The following TUB variants were observed in gnomAD, a reference collection of about 807,000 sequenced individuals.
The protein encoded by TUB is TUB bipartite transcription factor.
TUB carries 33 observed loss-of-function variants against 59.7 expected under a neutral mutation model. That is an observed-to-expected ratio of 0.55 (90% CI 0.42 to 0.74). TUB has a LOEUF of 0.74. Ranked by LOEUF, TUB falls within the 30% of genes least tolerant of loss-of-function variation. The pLI, the probability that TUB is intolerant of heterozygous loss-of-function variation, is 0.00. For missense variants in TUB, 659 were observed against 672.0 expected, an observed-to-expected ratio of 0.98 and a Z score of 0.21; for synonymous variants, 293 against 256.4, an observed-to-expected ratio of 1.14 and a Z score of -1.36.
intron 2 of TUB, among the ~76,000 whole-genome samples, chr11:8,062,444 TCA>T (rs1197728623): frequency 5.3e-5 from 8 of 151,832 alleles, no homozygotes; most frequent in Non-Finnish European, 1.2e-4. Flanking sequence ...CCAGGCGCTG[TCA>T]GGGGCCTGTG....
At chr11:8,097,864 G>C in intron 8 of TUB, 38 bp downstream of exon 8, 5 of 1,524,170 alleles carry the variant, frequency 3.3e-6, no homozygotes, top group Non-Finnish European at 4.5e-6. Context: ...GGGAGTGGGA[G>C]GGAGGGGCAG....
In TUB at chr11:8,033,318, CAG is replaced by C; in HGVS notation, c.56+13963_56+13964del. 2.0e-5 allele frequency among the ~76,000 whole-genome samples: 3 copies of C among 152,352 alleles called. No individual in the cohort carries two copies. In the East Asian group the frequency reaches 5.8e-4, roughly 29 times the overall value. On this transcript the variant is annotated intron_variant, in intron 1 of 11. Coordinates refer to the TUB transcript ENST00000534099. ...TCCGGGAAACTCCGGCGCCCGAAGACAGAGCTGCATTCCTGCTGTGCCGCCAC... is the reference window on the plus strand; with the variant it reads ...TCCGGGAAACTCCGGCGCCCGAAGACAGCTGCATTCCTGCTGTGCCGCCAC...
rs183904713 is a variant in TUB, at chr11:8,058,161, G to A, written c.203+18469G>A. ...TAGGAGGTCAAGGCCACAGTGAGCC[G>A]AGATCACACCACTGCACTCCAGCCT... On this transcript the variant is annotated intron_variant, in intron 2 of 12. Coordinates refer to the TUB transcript ENST00000305253. Among the ~76,000 whole-genome samples the A allele has an allele frequency of 5.3e-3, 773 of 147,052 alleles. 5 individuals are homozygous for A. Among genetic ancestry groups the A allele is most frequent in the African/African-American group, 0.018 (722 of 39,800 alleles).
At chr11:8,036,359 C>T (rs1942646383), upstream of TUB, among the ~76,000 whole-genome samples, 1 of 152,202 alleles carries the variant, frequency 6.6e-6, no homozygotes. Flanking sequence ...GATAGGAATA[C>T]ATGGTTCCTG....
chr11:8,046,464 C>T (rs770174400), intron 2 of TUB, among the ~76,000 whole-genome samples: 2 of 152,190 alleles, frequency 1.3e-5, no homozygotes, highest in Non-Finnish European at 2.9e-5. Flanking sequence ...ACCTGTCCCT[C>T]GTCTTCTATT....
chr11:8,029,183 C>T (rs537742767), intron 1 of TUB, among the ~76,000 whole-genome samples: 11 of 152,206 alleles, frequency 7.2e-5, no homozygotes, highest in South Asian at 2.1e-4. Context: ...TTTCTGGCCC[C>T]GGGTTCCCAA....
intron 2 of TUB, among the ~76,000 whole-genome samples, chr11:8,074,262 C>T (rs996719861): frequency 1.3e-5 from 2 of 152,038 alleles, no homozygotes; most frequent in African/African-American, 4.8e-5. Context: ...GAAGAAGGGG[C>T]CACCTGGAAT....
chr11:8,085,645 G>C (rs114887200), intron 1 of TUB, among the ~76,000 whole-genome samples: 1,874 of 152,324 alleles, frequency 0.012, 48 homozygotes, highest in African/African-American at 0.042. Flanking sequence ...TGACTGAGGG[G>C]AAAGAATGAG....
chr11:8,081,594 C>A (rs1943565737), intron 1 of TUB, 46 bp downstream of exon 1: 1 of 1,483,406 alleles, frequency 6.7e-7, no homozygotes, highest in Non-Finnish European at 8.9e-7. Context: ...CGACTCGGGA[C>A]GTGAGCTGGC....
intron 2 of TUB, 65 bp downstream of exon 2, chr11:8,089,726 C>A: frequency 6.3e-7 from 1 of 1,587,962 alleles, no homozygotes; most frequent in Non-Finnish European, 8.6e-7. Context: ...GGCAGAGGGG[C>A]AGGGCTGTCC....
intron 2 of TUB, among the ~76,000 whole-genome samples, chr11:8,040,224 C>T (rs1337568927): frequency 6.6e-6 from 1 of 152,184 alleles, no homozygotes; most frequent in Non-Finnish European, 1.5e-5. Flanking sequence ...ACCAGGACCT[C>T]ATTTGTTGTT....
At chr11:8,042,075 A>G (rs1208125800) in intron 2 of TUB, among the ~76,000 whole-genome samples, 1 of 152,174 alleles carries the variant, frequency 6.6e-6, no homozygotes, top group Non-Finnish European at 1.5e-5. Context: ...AATTTATTTT[A>G]GAACATTTTC....
chr11:8,101,783 C>G lies in TUB; in HGVS notation c.*164C>G, dbSNP rs1323571128. On this transcript the variant is annotated 3_prime_UTR_variant, in exon 12 of 12. Coordinates refer to ENST00000299506, the MANE Select transcript of TUB (RefSeq NM_177972.3). ...GCCAGCCAGGAACTGGCTCCTTTGC[C>G]TCTGCTACTGAGGCAGGGGAGTAGT... 1 of 1,291,642 alleles carries G rather than the reference C, an allele frequency of 7.7e-7. No individual in the cohort carries two copies. The highest frequency in any genetic ancestry group is 2.5e-5 in the East Asian group (1 of 39,274). The allele number at this position is 1,291,642 out of a possible 1,614,324, so 80.0% of individuals were successfully genotyped here.
Position 8,097,315 on chromosome 11 carries a change from G to GC in TUB, c.781dup (p.Gln261ProfsTer31), listed in dbSNP as rs759016192. The stretch of plus-strand genomic sequence containing the variant: ...TCTTGAGGAGTTTGCACTGAGGCCG[G>GC]CCCCCCAGGGTATCACCATCAAATG... On this transcript the variant is annotated frameshift_variant, in exon 7 of 12. Transcript: ENST00000299506. LOFTEE classifies it high-confidence loss of function. The GC allele has an allele frequency of 1.9e-6, 3 of 1,613,976 alleles. No individual in the cohort carries two copies. Among genetic ancestry groups the GC allele is most frequent in the African/African-American group, 1.3e-5 (1 of 74,874 alleles).
At chr11:8,050,868 T>C (rs1197318243) in intron 2 of TUB, among the ~76,000 whole-genome samples, 2 of 152,180 alleles carry the variant, frequency 1.3e-5, no homozygotes, top group Non-Finnish European at 2.9e-5. Flanking sequence ...CACAATAAAA[T>C]TGCATCCTTT....
At chr11:8,071,927 G>C (rs1341251105) in intron 2 of TUB, among the ~76,000 whole-genome samples, 1 of 152,240 alleles carries the variant, frequency 6.6e-6, no homozygotes, top group African/African-American at 2.4e-5. Context: ...GGCTGGGACA[G>C]GGCCACCTGG....
chr11:8,082,454 G>T (rs572529194), intron 1 of TUB, among the ~76,000 whole-genome samples: 1 of 152,328 alleles, frequency 6.6e-6, no homozygotes, highest in African/African-American at 2.4e-5. Flanking sequence ...AGGGAAGGGA[G>T]CTCATCGCCA....
At position 8,094,198 on chromosome 11, in the gene TUB, A is replaced by T. The variant is rs779904150; in HGVS notation, c.397+9A>T. ...GAAGGGAAAGCACAAAGGTCAGCTC[A>T]CATTCTCTACAGCCCTCCCCAGCAG... On this transcript the variant is annotated intron_variant, in intron 4 of 11. Transcript: ENST00000299506. The T allele has an allele frequency of 1.2e-6, 2 of 1,605,730 alleles. No individual in the cohort carries two copies. The highest frequency in any genetic ancestry group is 1.7e-6 in the Non-Finnish European group (2 of 1,175,216).
chr11:8,097,453 C>G (rs760008755), intron 7 of TUB, 28 bp downstream of exon 7: 1 of 1,613,884 alleles, frequency 6.2e-7, no homozygotes, highest in Non-Finnish European at 8.5e-7. Context: ...ATGTTATCAT[C>G]TAGGCTTTAC....
Sources: allele counts gnomAD v4.1 joint callset (sites outside exome capture counted in the v4.1 genomes callset), GRCh38; gene constraint gnomAD v4.1.1; transcripts MANE v1.5; gene names NCBI Gene and HGNC (gene_info 2026-07-23, HGNC 2026-07-21).